ESPL1: variants seen among roughly 807,000 people sequenced by gnomAD.
ESPL1 encodes the protein separin.
In ESPL1, 50 loss-of-function variants were observed where a neutral mutation model predicts 217.2. The ratio of observed to expected loss-of-function variants is 0.23; its 90% CI spans 0.18 to 0.29. ESPL1 has a LOEUF of 0.29. Ranked by LOEUF, ESPL1 falls within the 10% of genes least tolerant of loss-of-function variation. The pLI is 1.00. For missense variants in ESPL1, 1,834 were observed against 2,603.0 expected (o/e 0.70, Z 6.43); for synonymous variants, 994 against 1,081.3 (o/e 0.92, Z 1.58).
In ESPL1 at chr12:53,289,608, C is replaced by G; in HGVS notation, c.5113+14C>G. On this transcript the variant is annotated intron_variant, in intron 22 of 30. Coordinates refer to ENST00000257934, the MANE Select transcript of ESPL1 (RefSeq NM_012291.5). ...TGATCCCCAGTGGTATGCGGGCAGC[C>G]TTCTGGCCGGCTCCTCTGTCCTCTT... 1.2e-6 allele frequency: 2 copies of G among 1,607,746 alleles called. No individual in the cohort carries two copies. Among genetic ancestry groups the G allele is most frequent in the Non-Finnish European group, 8.5e-7 (1 of 1,176,774 alleles).
chr12:53,291,882 G>GC (rs1269118455), intron 26 of ESPL1, 22 bp downstream of exon 26: 2 of 1,586,382 alleles, frequency 1.3e-6, no homozygotes, highest in South Asian at 1.2e-5. Context: ...GGGCAGAGGG[G>GC]CAGTGTCTAG....
rs753884441 is a variant in ESPL1 at position 53,268,787 on chromosome 12, C to T, written c.21C>T (p.Val7=). The T allele has an allele frequency of 5.0e-6, 8 of 1,612,230 alleles. No homozygotes were observed. In the South Asian group the frequency reaches 8.8e-5, roughly 18 times the overall value. The change falls in exon 2 of 31, where the codon GTC becomes GTT. Residue 7 remains valine (V), a synonymous_variant. Coordinates refer to ENST00000257934, the MANE Select transcript of ESPL1 (RefSeq NM_012291.5). MRSFKR[V]NFGTLLSSQK... ...GTGTCATGAGGAGCTTCAAAAGAGT[C>T]AACTTTGGGACTCTGCTAAGCAGCC... is the stretch of plus-strand genomic sequence containing the variant.
rs755870927 is a variant in ESPL1, at chr12:53,282,323, C to T, written c.2679C>T (p.Ser893=). The part of the protein sequence containing the change: ...SVLRDPALQK[S]SKAWYLLRVQ... ...TTCGGGATCCTGCCCTCCAGAAGTC[C>T]TCCAAGGCTTGGTACTTGCTGCGTG... Residue 893 remains serine, a synonymous_variant, in exon 14 of 31, where the codon TCC becomes TCT. Coordinates refer to ENST00000257934, the MANE Select transcript of ESPL1 (RefSeq NM_012291.5). This position sits in a 1 kb window ranked among gnomAD's most constrained non-coding sequence, Gnocchi z 4.0. The T allele has an allele frequency of 9.3e-6, 15 of 1,614,036 alleles. No individual in the cohort carries two copies. The Middle Eastern group carries it at 4.9e-4, about 53-fold the overall frequency.
intron 9 of ESPL1, 93 bp from the exon 10 acceptor site, chr12:53,277,377 C>T: frequency 1.3e-6 from 2 of 1,510,124 alleles, no homozygotes; most frequent in South Asian, 1.2e-5. Context: ...AACTCCTGGG[C>T]TCCAACAATC....
chr12:53,283,025 C>A, intron 14 of ESPL1, 104 bp from the exon 15 acceptor site: 1 of 1,450,690 alleles, frequency 6.9e-7, no homozygotes, highest in Non-Finnish European at 9.6e-7. Context: ...CTCTGCCTGC[C>A]TTAATGCAGA....
rs960653865 is a variant in ESPL1 at position 53,283,647 on chromosome 12, C to A, written c.3077+109C>A. On this transcript the variant is annotated intron_variant, in intron 16 of 30. Coordinates refer to ENST00000257934, the MANE Select transcript of ESPL1 (RefSeq NM_012291.5). ...ATTACATGCTATGTTTAGATACATT[C>A]GTGGAAAAAGGCATTCCACAGCTAA... is the stretch of plus-strand genomic sequence containing the variant. The A allele has an allele frequency of 2.6e-6, 3 of 1,144,818 alleles. No homozygotes were observed. The East Asian group carries it at 7.2e-5, about 27-fold the overall frequency. 70.9% of individuals were successfully genotyped at this position (1,144,818 alleles called of 1,614,324 possible).
intron 24 of ESPL1, 45 bp downstream of exon 24, chr12:53,290,514 CG>C: frequency 5.0e-6 from 8 of 1,604,590 alleles, no homozygotes; most frequent in African/African-American, 1.3e-5. Flanking sequence ...AGGAATGACC[CG>C]GGGGGTCCCA....
Position 53,288,201 on chromosome 12 carries a change from G to C in ESPL1, c.4406G>C (p.Arg1469Pro). The change falls in exon 19 of 31, where the codon CGG becomes CCG. Residue 1469 changes from arginine to proline, a missense_variant. Physicochemically the swap from Arg to Pro is moderately radical, Grantham distance 103 (BLOSUM62 -2). This residue lies in a region of ESPL1 where 681 missense variants were observed against 808.0 expected (regional missense o/e 0.84). Transcript: ENST00000257934. Reference protein sequence around the residue: ...KKVASRHCEERRPQRASDQAR... With the variant: ...KKVASRHCEEPRPQRASDQAR... Reference sequence around the variant, plus strand: ...GTGGCATCAAGACATTGTGAGGAGCGGCGTCCCCAGAGGGCCAGTGACCAG... The same window carrying C: ...GTGGCATCAAGACATTGTGAGGAGCCGCGTCCCCAGAGGGCCAGTGACCAG... 6.2e-7 allele frequency: 1 copy of C among 1,610,954 alleles called. No individual in the cohort carries two copies. The highest frequency in any genetic ancestry group is 1.3e-5 in the African/African-American group (1 of 75,042).
At chr12:53,274,666 G>A in intron 6 of ESPL1, 151 bp from the exon 7 acceptor site, 2 of 611,228 alleles carry the variant, frequency 3.3e-6, no homozygotes, top group Non-Finnish European at 2.9e-6. Context: ...ATTCTTAGGT[G>A]TCTCCTGCCT....
intron 23 of ESPL1, 64 bp downstream of exon 23, chr12:53,290,276 T>A: frequency 1.9e-6 from 3 of 1,611,028 alleles, no homozygotes; most frequent in Non-Finnish European, 2.5e-6. Flanking sequence ...GCTGCTCACA[T>A]TCTGTGTTGA....
intron 4 of ESPL1, 91 bp from the exon 5 acceptor site, chr12:53,270,587 T>C: frequency 7.9e-7 from 1 of 1,259,834 alleles, no homozygotes; most frequent in African/African-American, 1.8e-5. Context: ...CAAACAGCTT[T>C]GGGGTTGCTT....
At position 53,272,809 on chromosome 12, in the gene ESPL1, C is replaced by T; in HGVS notation, c.1458C>T (p.His486=). 2 of 1,614,146 alleles carry T rather than the reference C, an allele frequency of 1.2e-6. No individual in the cohort carries two copies. The highest frequency in any genetic ancestry group is 1.7e-6 in the Non-Finnish European group (2 of 1,180,028). The change falls in exon 6 of 31, where the codon CAC becomes CAT. Residue 486 remains histidine (H), a synonymous_variant. Transcript: ENST00000257934. ...CCATCTCTGAGCCGCTCTGTCAGCA[C>T]CTGGGTTTGGTGAAGCCAGGCACTT... ...ACAISEPLCQ[H]LGLVKPGTYP...
intron 17 of ESPL1, among the ~76,000 whole-genome samples, chr12:53,285,480 G>A (rs1239405012): frequency 6.6e-6 from 1 of 152,110 alleles, no homozygotes; most frequent in African/African-American, 2.4e-5. Flanking sequence ...CCTCCAAGGC[G>A]GGCGGATCAC....
At chr12:53,280,386 T>C (rs978169924) in intron 12 of ESPL1, among the ~76,000 whole-genome samples, 1 of 152,196 alleles carries the variant, frequency 6.6e-6, no homozygotes, top group African/African-American at 2.4e-5. Context: ...TGCATCACTC[T>C]AGTATATTGA....
chr12:53,290,109 TG>T lies in ESPL1; in HGVS notation c.5140del (p.Ala1714ProfsTer14). The T allele has an allele frequency of 6.2e-7, 1 of 1,613,082 alleles. No individual in the cohort carries two copies. Among genetic ancestry groups the T allele is most frequent in the Non-Finnish European group, 8.5e-7 (1 of 1,180,012 alleles). ...GGGGTGACTGTGTGTGTGTTGGCCC[TG>T]GCCACCCTCCAGCCCGGAACCGTGG... ...PSGVTVCVLA[L>X]ATLQPGTVGN... On this transcript the variant is annotated frameshift_variant, in exon 23 of 31. Coordinates refer to ENST00000257934, the MANE Select transcript of ESPL1 (RefSeq NM_012291.5). LOFTEE classifies it high-confidence loss of function.
intron 3 of ESPL1, 135 bp downstream of exon 3, chr12:53,270,220 C>G: frequency 1.0e-6 from 1 of 972,500 alleles, no homozygotes; most frequent in Non-Finnish European, 1.6e-6. Context: ...AGCGAGCCAG[C>G]AAACAGCCTA....
rs763981630 is a variant in ESPL1, at chr12:53,282,087, AG to A, written c.2620-175del. 6.6e-6 allele frequency among the ~76,000 whole-genome samples: 1 copy of A among 152,264 alleles called. No individual in the cohort carries two copies. The highest frequency in any genetic ancestry group is 1.9e-4 in the East Asian group (1 of 5,168). The stretch of plus-strand genomic sequence containing the variant: ...GGAACTGTTACTGCTTCTCAGGGTC[AG>A]GAACATTCTGCCTAGGTCCAGGGAG... On this transcript the variant is annotated intron_variant, in intron 13 of 30. Transcript: ENST00000257934. The surrounding 1 kb of genome is among the most constrained non-coding windows in gnomAD (Gnocchi z 4.0).
intron 11 of ESPL1, among the ~76,000 whole-genome samples, chr12:53,278,662 G>T (rs1943812452): frequency 1.3e-5 from 2 of 150,650 alleles, no homozygotes. Flanking sequence ...CGCAATCTGG[G>T]CTCACTGCAA....
At position 53,286,178 on chromosome 12, in the gene ESPL1, T is replaced by C; in HGVS notation, c.3442T>C (p.Cys1148Arg). ...NFLSHSPTCD[C>R]SLCASPVLTA... ...CCTGTCCCATTCACCCACCTGTGAC[T>C]GCTCGCTCTGCGCCAGCCCTGTCCT... Residue 1148 changes from cysteine to arginine, a missense_variant, in exon 18 of 31, where the codon TGC (cysteine) becomes CGC (arginine). Physicochemically the swap from Cys to Arg is radical, Grantham distance 180. This residue lies in a region of ESPL1 where 681 missense variants were observed against 808.0 expected (regional missense o/e 0.84). Coordinates refer to ENST00000257934, the MANE Select transcript of ESPL1 (RefSeq NM_012291.5). The surrounding 1 kb of genome is among the most constrained non-coding windows in gnomAD (Gnocchi z 5.3). 1 of 1,614,252 alleles carries C rather than the reference T, an allele frequency of 6.2e-7. No homozygotes were observed. Among genetic ancestry groups the C allele is most frequent in the Non-Finnish European group, 8.5e-7 (1 of 1,180,036 alleles).
Sources: allele counts gnomAD v4.1 joint callset (sites outside exome capture counted in the v4.1 genomes callset), GRCh38; gene constraint gnomAD v4.1.1; regional missense constraint gnomAD v4.1.1; non-coding constraint Gnocchi (gnomAD v3.1); transcripts MANE v1.5; gene names NCBI Gene and HGNC (gene_info 2026-07-23, HGNC 2026-07-21).